Variants in TBC1D4 observed in about 807,000 individuals in gnomAD.
TBC1D4 encodes TBC (Tre-2, BUB2, CDC16) domain-containing protein.
Under a neutral mutation model 142.5 loss-of-function variants are expected in TBC1D4, and 121 were observed. The ratio of observed to expected loss-of-function variants is 0.85; its 90% CI spans 0.73 to 0.99. TBC1D4 has a LOEUF of 0.99. Among genes scored for constraint, TBC1D4 ranks in the 50% least tolerant of loss-of-function variants. TBC1D4 has a pLI of 0.00. For synonymous variants in TBC1D4, 630 were observed against 628.2 expected, an observed-to-expected ratio of 1.00 and a Z score of -0.04; for missense variants, 1,475 against 1,606.6, an observed-to-expected ratio of 0.92 and a Z score of 1.40.
At chr13:75,474,863 C>T (rs1888572321) in intron 1 of TBC1D4, among the ~76,000 whole-genome samples, 1 of 152,082 alleles carries the variant, frequency 6.6e-6, no homozygotes. Flanking sequence ...TCTCGAACTC[C>T]TGACCTCAGG....
chr13:75,459,021 G>A (rs17071227), intron 1 of TBC1D4, among the ~76,000 whole-genome samples: 20,020 of 151,898 alleles, frequency 0.13, 1,481 homozygotes, highest in African/African-American at 0.16. Flanking sequence ...CTCTCTTGTC[G>A]CAATCTGGCT....
At chr13:75,413,309 G>A (rs540069604) in intron 1 of TBC1D4, among the ~76,000 whole-genome samples, 5 of 151,900 alleles carry the variant, frequency 3.3e-5, no homozygotes, top group South Asian at 2.1e-4. Context: ...CTACAGGTGC[G>A]CACCACCACG....
chr13:75,328,103 A>C (rs1477907455), intron 8 of TBC1D4, among the ~76,000 whole-genome samples: 2 of 152,230 alleles, frequency 1.3e-5, no homozygotes, highest in Non-Finnish European at 2.9e-5. Flanking sequence ...TTATTCATCC[A>C]TAAGTTCAGT....
At chr13:75,409,639 T>G in intron 1 of TBC1D4, among the ~76,000 whole-genome samples, 1 of 152,218 alleles carries the variant, frequency 6.6e-6, no homozygotes, top group East Asian at 1.9e-4. Context: ...AACTTCACAG[T>G]AAAATACACG....
chr13:75,314,976 T>C (rs1269222920), intron 12 of TBC1D4, among the ~76,000 whole-genome samples: 10 of 151,192 alleles, frequency 6.6e-5, no homozygotes, highest in Non-Finnish European at 1.2e-4. Context: ...CGAGGCTCCA[T>C]GTCAAAATAA....
chr13:75,287,271 G>GT (rs976485613), intron 20 of TBC1D4, among the ~76,000 whole-genome samples: 3 of 152,140 alleles, frequency 2.0e-5, no homozygotes, highest in Admixed American at 1.3e-4. Flanking sequence ...CTCACCAACA[G>GT]TAGGAATCCT....
At chr13:75,410,050 C>T (rs1885555704) in intron 1 of TBC1D4, among the ~76,000 whole-genome samples, 1 of 152,170 alleles carries the variant, frequency 6.6e-6, no homozygotes, top group African/African-American at 2.4e-5. Context: ...AACTCAGTTG[C>T]CTGCCTTGTA....
intron 1 of TBC1D4, among the ~76,000 whole-genome samples, chr13:75,432,022 G>C (rs776031628): frequency 6.6e-5 from 10 of 152,196 alleles, no homozygotes; most frequent in Admixed American, 2.0e-4. Flanking sequence ...GAGTGAGAAA[G>C]TGGATAAAGA....
intron 1 of TBC1D4, among the ~76,000 whole-genome samples, chr13:75,436,758 G>T (rs887880672): frequency 6.6e-6 from 1 of 151,902 alleles, no homozygotes; most frequent in Non-Finnish European, 1.5e-5. Context: ...TGATTAAAAA[G>T]CATCTCCCCC....
chr13:75,300,985 G>A (rs74945794), intron 16 of TBC1D4, among the ~76,000 whole-genome samples: 1 of 151,948 alleles, frequency 6.6e-6, no homozygotes, highest in Non-Finnish European at 1.5e-5. Flanking sequence ...AATTCCGCTG[G>A]GCTCAAAAAA....
At chr13:75,477,361 C>T (rs1250375628) in intron 1 of TBC1D4, among the ~76,000 whole-genome samples, 1 of 152,092 alleles carries the variant, frequency 6.6e-6, no homozygotes, top group African/African-American at 2.4e-5. Flanking sequence ...GTTGGGAAAA[C>T]ACTGGCATTA....
At chr13:75,348,633 T>TA (rs916537669) in intron 5 of TBC1D4, among the ~76,000 whole-genome samples, 7 of 152,102 alleles carry the variant, frequency 4.6e-5, no homozygotes, top group African/African-American at 1.4e-4. Context: ...CAGAACATAT[T>TA]AAAAAAAACT....
At chr13:75,448,039 A>G (rs1027249371) in intron 1 of TBC1D4, among the ~76,000 whole-genome samples, 2 of 152,122 alleles carry the variant, frequency 1.3e-5, no homozygotes, top group Admixed American at 1.3e-4. Flanking sequence ...AATCATCCCA[A>G]AACCATCCCC....
At chr13:75,368,700 TAA>T (rs1404341257) in intron 1 of TBC1D4, among the ~76,000 whole-genome samples, 1 of 152,148 alleles carries the variant, frequency 6.6e-6, no homozygotes, top group Non-Finnish European at 1.5e-5. Flanking sequence ...ATAGAAAATA[TAA>T]AAGAGTAACT....
intron 5 of TBC1D4, among the ~76,000 whole-genome samples, chr13:75,346,360 A>G (rs1462758615): frequency 6.7e-6 from 1 of 150,222 alleles, no homozygotes; most frequent in Non-Finnish European, 1.5e-5. Context: ...ATGTGTTCTC[A>G]TTGTTCAACT....
rs948384892 is a variant in TBC1D4, at chr13:75,285,803, T to C, written c.*989A>G. 6.6e-6 allele frequency: 1 copy of C among 152,596 alleles called. No homozygotes were observed. The highest frequency in any genetic ancestry group is 1.5e-5 in the Non-Finnish European group (1 of 68,024). 9.5% of individuals were successfully genotyped at this position (152,596 alleles called of 1,614,324 possible). Reference sequence around the variant, plus strand: ...TGGAAAAAATCAATCATAATTACGTTTCCTTATACTGAATTTAAGGTAGAG... The same window carrying C: ...TGGAAAAAATCAATCATAATTACGTCTCCTTATACTGAATTTAAGGTAGAG... On this transcript the variant is annotated 3_prime_UTR_variant, in exon 21 of 21. Transcript: ENST00000377636.
chr13:75,429,749 A>C (rs1411631216), intron 1 of TBC1D4, among the ~76,000 whole-genome samples: 1 of 152,182 alleles, frequency 6.6e-6, no homozygotes, highest in East Asian at 1.9e-4. Context: ...TAGGAAGAAA[A>C]AAGAGGAGAA....
chr13:75,315,663 GAAT>G (rs1232994527), intron 12 of TBC1D4, among the ~76,000 whole-genome samples: 2 of 151,872 alleles, frequency 1.3e-5, no homozygotes, highest in Non-Finnish European at 2.9e-5. Flanking sequence ...AATAAGCACT[GAAT>G]AATATCTACT....
At chr13:75,454,899 G>A (rs1438840100) in intron 1 of TBC1D4, among the ~76,000 whole-genome samples, 6 of 152,132 alleles carry the variant, frequency 3.9e-5, no homozygotes, top group Non-Finnish European at 8.8e-5. Flanking sequence ...TTTCATAGGT[G>A]TTAGATTCCT....
Sources: gnomAD v4.1 joint callset for allele counts (sites outside exome capture counted in the v4.1 genomes callset) on GRCh38, gnomAD v4.1.1 for gene constraint, MANE v1.5 for transcripts, NCBI Gene and HGNC (gene_info 2026-07-23, HGNC 2026-07-21) for gene names.